The following PHF21A variants were observed in gnomAD, a reference collection of about 807,000 sequenced individuals.
PHF21A encodes the protein BHC80a.
Under a neutral mutation model 82.5 loss-of-function variants are expected in PHF21A, and 11 were observed. The observed-to-expected ratio is 0.13, with a 90% CI of 0.08 to 0.22. The LOEUF is 0.22. Among genes scored for constraint, PHF21A ranks in the 10% least tolerant of loss-of-function variants. The pLI is 1.00. For missense variants in PHF21A, 579 were observed against 837.8 expected (o/e 0.69, Z 3.81); for synonymous variants, 297 against 302.8 (o/e 0.98, Z 0.20).
intron 5 of PHF21A, among the ~76,000 whole-genome samples, chr11:46,078,032 C>T (rs1321122111): frequency 1.3e-5 from 2 of 152,144 alleles, no homozygotes; most frequent in Non-Finnish European, 2.9e-5. Flanking sequence ...CTGCCTCAGC[C>T]TCCTGAGTAG....
At chr11:46,029,368 T>G (rs1416208398) in intron 6 of PHF21A, among the ~76,000 whole-genome samples, 1 of 152,216 alleles carries the variant, frequency 6.6e-6, no homozygotes, top group Non-Finnish European at 1.5e-5. Context: ...TTTTATTCTA[T>G]ATTCCCTTTG....
At chr11:46,045,735 A>G (rs1201548189) in intron 6 of PHF21A, among the ~76,000 whole-genome samples, 5 of 152,182 alleles carry the variant, frequency 3.3e-5, no homozygotes, top group Admixed American at 6.5e-5. Flanking sequence ...CACGTAGGTT[A>G]CTAGACTTTT....
rs1186668617 is a variant in PHF21A at position 45,931,941 on chromosome 11, C to T, written c.*2027G>A. 6.6e-6 allele frequency: 1 copy of T among 152,306 alleles called. No individual in the cohort carries two copies. Among genetic ancestry groups the T allele is most frequent in the Non-Finnish European group, 1.5e-5 (1 of 68,086 alleles). 9.4% of individuals were successfully genotyped at this position (152,306 alleles called of 1,614,324 possible). On this transcript the variant is annotated 3_prime_UTR_variant, in exon 19 of 19. Transcript: ENST00000676320. ...GCCGAGGCAAGCGCAGCAATTCTAG[C>T]CCAGGGTCACCCAGGAGGCTTGTGG...
intron 6 of PHF21A, among the ~76,000 whole-genome samples, chr11:46,070,362 A>AC (rs2096642258): frequency 6.6e-6 from 1 of 151,568 alleles, no homozygotes; most frequent in South Asian, 2.1e-4. Context: ...GACGAGTCTC[A>AC]CTGTGTTGCC....
chr11:46,037,533 T>C (rs1383093922), intron 6 of PHF21A, among the ~76,000 whole-genome samples: 1 of 150,044 alleles, frequency 6.7e-6, no homozygotes, highest in Non-Finnish European at 1.5e-5. Context: ...CCCAGCTACT[T>C]GGGAGGCTGA....
At chr11:45,992,238 T>C (rs918461977) in intron 6 of PHF21A, among the ~76,000 whole-genome samples, 1 of 152,028 alleles carries the variant, frequency 6.6e-6, no homozygotes, top group African/African-American at 2.4e-5. Flanking sequence ...AGACATTACT[T>C]AGAAAATTTT....
At chr11:45,959,020 C>T (rs1214457380) in intron 10 of PHF21A, among the ~76,000 whole-genome samples, 1 of 152,070 alleles carries the variant, frequency 6.6e-6, no homozygotes, top group African/African-American at 2.4e-5. Flanking sequence ...AACAAAATAC[C>T]AGCAAACTGA....
intron 6 of PHF21A, among the ~76,000 whole-genome samples, chr11:46,063,275 T>C (rs1210202220): frequency 1.3e-5 from 2 of 152,234 alleles, no homozygotes; most frequent in Non-Finnish European, 2.9e-5. Context: ...CTATATACAG[T>C]GTAGCACTCA....
intron 4 of PHF21A, among the ~76,000 whole-genome samples, chr11:46,082,499 ATAT>A (rs1258650206): frequency 3.3e-5 from 5 of 152,220 alleles, no homozygotes; most frequent in Non-Finnish European, 7.3e-5. Context: ...CTCTGTTAAA[ATAT>A]TATTGACATA....
chr11:46,018,122 C>T (rs1268083095), intron 6 of PHF21A, among the ~76,000 whole-genome samples: 1 of 150,766 alleles, frequency 6.6e-6, no homozygotes, highest in Non-Finnish European at 1.5e-5. Flanking sequence ...TAGTGGCGGG[C>T]GCCTGTAGTC....
At chr11:45,997,935 C>A (rs1280043991) in intron 6 of PHF21A, among the ~76,000 whole-genome samples, 1 of 152,184 alleles carries the variant, frequency 6.6e-6, no homozygotes, top group Non-Finnish European at 1.5e-5. Flanking sequence ...AAGTGATACA[C>A]CACAGGCCCA....
chr11:46,073,152 C>T (rs2096674363), intron 6 of PHF21A, among the ~76,000 whole-genome samples: 2 of 151,986 alleles, frequency 1.3e-5, no homozygotes, highest in South Asian at 4.1e-4. Context: ...CATGATGAAA[C>T]CCGGTCTCTA....
At chr11:46,099,161 A>C (rs1417505378) in intron 1 of PHF21A, among the ~76,000 whole-genome samples, 1 of 152,330 alleles carries the variant, frequency 6.6e-6, no homozygotes, top group East Asian at 1.9e-4. Context: ...AAATTCAACA[A>C]GATTAAAACA....
intron 1 of PHF21A, among the ~76,000 whole-genome samples, chr11:46,099,523 G>GACACAC (rs71038882): frequency 0.096 from 13,149 of 137,546 alleles, 735 homozygotes; most frequent in Non-Finnish European, 0.12. Flanking sequence ...AGAAAAATTA[G>GACACAC]ACACACACAC....
intron 1 of PHF21A, among the ~76,000 whole-genome samples, chr11:46,106,392 A>G (rs1350117566): frequency 6.6e-6 from 1 of 152,236 alleles, no homozygotes; most frequent in Non-Finnish European, 1.5e-5. Flanking sequence ...AAATAAAGAA[A>G]ATAAACAGCA....
At position 46,056,996 on chromosome 11, in the gene PHF21A, A is replaced by G. The variant is rs867897463; in HGVS notation, c.153+19758T>C. On this transcript the variant is annotated intron_variant, in intron 6 of 18. Transcript: ENST00000676320. ...TTTATTTGCTTTAAATATAGTAAAA[A>G]AAAAAGTCAAGATGGTTATAGTAAG... 3.9e-5 allele frequency among the ~76,000 whole-genome samples: 6 copies of G among 152,314 alleles called. No individual in the cohort carries two copies. In the South Asian group the frequency reaches 1.2e-3, roughly 32 times the overall value.
chr11:45,940,900 G>C (rs2090226930), intron 15 of PHF21A, among the ~76,000 whole-genome samples: 2 of 152,144 alleles, frequency 1.3e-5, no homozygotes. Context: ...TGAGCAAGGA[G>C]CACATCAAGA....
At chr11:45,976,317 T>G (rs1049872149) in intron 7 of PHF21A, among the ~76,000 whole-genome samples, 1 of 152,214 alleles carries the variant, frequency 6.6e-6, no homozygotes, top group Non-Finnish European at 1.5e-5. Context: ...AAAATTACTC[T>G]GTCCTCAAAA....
In PHF21A at chr11:45,971,239, G is replaced by A. The variant is rs2093723035; in HGVS notation, c.489C>T (p.Asn163=). 5.6e-6 allele frequency: 9 copies of A among 1,614,170 alleles called. No individual in the cohort carries two copies. The highest frequency in any genetic ancestry group is 7.6e-6 in the Non-Finnish European group (9 of 1,180,030). ...CAGTGCTGAGCACAGCCTTCTGACT[G>A]TTGATGGCGGTCACCATAGCAATGG... The part of the protein sequence containing the change: ...RPTIAMVTAI[N]SQKAVLSTDV... The change falls in exon 8 of 19, where the codon AAC becomes AAT. Residue 163 remains asparagine (N), a synonymous_variant. Transcript: ENST00000676320.
Sources: allele counts gnomAD v4.1 joint callset (sites outside exome capture counted in the v4.1 genomes callset), GRCh38; gene constraint gnomAD v4.1.1; transcripts MANE v1.5; gene names NCBI Gene and HGNC (gene_info 2026-07-23, HGNC 2026-07-21).